The following SPAG16 variants were observed in gnomAD, a reference collection of about 807,000 sequenced individuals.
SPAG16 encodes sperm associated antigen 16, also known as sperm-associated antigen 16 protein.
Under a neutral mutation model 80.4 loss-of-function variants are expected in SPAG16, and 86 were observed. The observed-to-expected ratio is 1.07, with a 90% confidence interval of 0.90 to 1.28. The LOEUF (loss-of-function observed/expected upper bound fraction) is 1.28, where lower values mean the gene tolerates loss of function less well. Among genes scored for constraint, SPAG16 ranks in the 50% most tolerant of loss-of-function variants. The pLI is 0.00. For missense variants in SPAG16, 870 were observed against 765.3 expected (o/e 1.14, Z -1.61); for synonymous variants, 294 against 265.9 (o/e 1.11, Z -1.03).
chr2:213,467,145 G>A (rs759448533), intron 9 of SPAG16, among the ~76,000 whole-genome samples: 9 of 150,788 alleles, frequency 6.0e-5, no homozygotes, highest in Middle Eastern at 3.4e-3. Context: ...GGCTGTTGCA[G>A]GGTTTGAGGA....
At chr2:214,241,230 G>A (rs1398485373) in intron 15 of SPAG16, 3 of 151,946 alleles carry the variant, frequency 2.0e-5, no homozygotes, top group Non-Finnish European at 4.4e-5. Context: ...GGCGATGTGC[G>A]ACTGTAGTTC....
chr2:213,501,990 G>T (rs529543169), intron 10 of SPAG16, among the ~76,000 whole-genome samples: 1 of 152,244 alleles, frequency 6.6e-6, no homozygotes, highest in South Asian at 2.1e-4. Context: ...AACCAAAGTG[G>T]TTTAAGAATT....
intron 12 of SPAG16, among the ~76,000 whole-genome samples, chr2:213,997,324 T>C (rs1376184873): frequency 6.6e-6 from 1 of 152,206 alleles, no homozygotes; most frequent in Non-Finnish European, 1.5e-5. Flanking sequence ...TTTTTGAACA[T>C]GATTAAATGT....
intron 10 of SPAG16, among the ~76,000 whole-genome samples, chr2:213,676,227 G>C (rs1055444080): frequency 6.6e-6 from 1 of 152,142 alleles, no homozygotes; most frequent in East Asian, 1.9e-4. Flanking sequence ...TTTGTACATT[G>C]ATTTTGTATC....
intron 13 of SPAG16, among the ~76,000 whole-genome samples, chr2:214,067,228 A>C (rs1322085245): frequency 6.6e-6 from 1 of 152,230 alleles, no homozygotes; most frequent in African/African-American, 2.4e-5. Flanking sequence ...AGCCAGTAGC[A>C]GAACACAGCT....
intron 10 of SPAG16, among the ~76,000 whole-genome samples, chr2:213,633,984 CTA>C (rs1033182410): frequency 1.4e-4 from 21 of 152,160 alleles, no homozygotes; most frequent in African/African-American, 4.8e-4. Context: ...TTCAGCCAGT[CTA>C]TGTCTTTTCA....
At chr2:213,540,953 G>T (rs1350405136) in intron 10 of SPAG16, among the ~76,000 whole-genome samples, 2 of 152,246 alleles carry the variant, frequency 1.3e-5, no homozygotes, top group Non-Finnish European at 2.9e-5. Flanking sequence ...GTGTGTATGT[G>T]CGCGTGCATG....
intron 15 of SPAG16, among the ~76,000 whole-genome samples, chr2:214,395,893 G>A (rs892356510): frequency 6.6e-6 from 1 of 152,004 alleles, no homozygotes; most frequent in African/African-American, 2.4e-5. Context: ...AGTATTCCAT[G>A]GTATATATGT....
At chr2:213,756,305 A>G (rs2125503542) in intron 10 of SPAG16, among the ~76,000 whole-genome samples, 1 of 152,178 alleles carries the variant, frequency 6.6e-6, no homozygotes, top group African/African-American at 2.4e-5. Context: ...ACGTGGTAAA[A>G]CCCCGTCTCA....
chr2:213,294,341 C>G (rs1014769057), intron 1 of SPAG16, among the ~76,000 whole-genome samples: 11 of 152,050 alleles, frequency 7.2e-5, no homozygotes, highest in African/African-American at 2.7e-4. Flanking sequence ...GAACAGATTG[C>G]TAGTAGAAGC....
rs376745270 is a variant in SPAG16, at chr2:213,838,588, A to G, written c.1071-23897A>G. On this transcript the variant is annotated intron_variant, in intron 10 of 15. Coordinates refer to ENST00000331683, the MANE Select transcript of SPAG16 (RefSeq NM_024532.5). ...AGTTATAACAGATTTAAAGATCTTA[A>G]TTAGCTTTTATTTATGATTCTAGAA... Among the ~76,000 whole-genome samples the G allele has an allele frequency of 2.8e-4, 42 of 152,342 alleles. No individual in the cohort carries two copies. The East Asian group carries it at 5.2e-3, about 19-fold the overall frequency.
intron 3 of SPAG16, among the ~76,000 whole-genome samples, chr2:213,300,409 CA>C (rs1264892490): frequency 6.6e-6 from 1 of 152,166 alleles, no homozygotes; most frequent in Non-Finnish European, 1.5e-5. Flanking sequence ...CAATAGTTCT[CA>C]AAGTATTGTG....
At chr2:213,744,064 T>C (rs1230890253) in intron 10 of SPAG16, among the ~76,000 whole-genome samples, 2 of 152,198 alleles carry the variant, frequency 1.3e-5, no homozygotes, top group Admixed American at 6.5e-5. Context: ...AGAATGAAGG[T>C]GTATTCATTC....
At chr2:213,447,604 A>G (rs909411787) in intron 9 of SPAG16, among the ~76,000 whole-genome samples, 5 of 152,216 alleles carry the variant, frequency 3.3e-5, no homozygotes, top group African/African-American at 1.2e-4. Context: ...ATGGTGGAGA[A>G]CATCGGGCGT....
chr2:213,709,175 A>G (rs562389245), intron 10 of SPAG16, among the ~76,000 whole-genome samples: 2 of 152,328 alleles, frequency 1.3e-5, no homozygotes, highest in South Asian at 2.1e-4. Context: ...ATGGTAGTTC[A>G]TGGCAATCCA....
chr2:214,220,532 C>T (rs568054983), intron 15 of SPAG16, among the ~76,000 whole-genome samples: 268 of 152,174 alleles, frequency 1.8e-3, no homozygotes, highest in African/African-American at 5.8e-3. Context: ...TCTCAGACTC[C>T]CCATTCACAC....
rs189777440 is a variant in SPAG16, at chr2:213,754,805, T to G, written c.1071-107680T>G. Among the ~76,000 whole-genome samples, 367 of 152,302 alleles carry G rather than the reference T, an allele frequency of 2.4e-3. 1 individual carries two copies. Among genetic ancestry groups the G allele is most frequent in the Non-Finnish European group, 4.1e-3 (281 of 68,012 alleles). On this transcript the variant is annotated intron_variant, in intron 10 of 15. Transcript: ENST00000331683. The stretch of plus-strand genomic sequence containing the variant: ...GTGTGTGCTCAGCTGCATTTAACTG[T>G]AGAGGCCTTAAGACATGTTAAGCAA...
chr2:213,597,013 A>G (rs562798193), intron 10 of SPAG16, among the ~76,000 whole-genome samples: 5 of 152,294 alleles, frequency 3.3e-5, no homozygotes, highest in Admixed American at 1.3e-4. Flanking sequence ...AATGCAAGTG[A>G]AAAAGACATT....
chr2:214,159,529 C>A (rs929078238), intron 15 of SPAG16, among the ~76,000 whole-genome samples: 2 of 151,922 alleles, frequency 1.3e-5, no homozygotes, highest in Non-Finnish European at 2.9e-5. Flanking sequence ...CAACCCAGAA[C>A]AAATAGCACA....
Sources: allele counts gnomAD v4.1 joint callset (sites outside exome capture counted in the v4.1 genomes callset), GRCh38; gene constraint gnomAD v4.1.1; transcripts MANE v1.5; gene names NCBI Gene and HGNC (gene_info 2026-07-23, HGNC 2026-07-21).